ATP6V1C2: variants seen among roughly 807,000 people sequenced by gnomAD.
ATP6V1C2 encodes V-type proton ATPase subunit C 2.
A neutral mutation model predicts 56.8 loss-of-function variants in ATP6V1C2; 45 were observed. The observed-to-expected ratio is 0.79, with a 90% CI of 0.62 to 1.02. ATP6V1C2 has a LOEUF of 1.02. ATP6V1C2 is among the 50% of genes least tolerant of loss of function. The pLI is 0.00. For missense variants in ATP6V1C2, 463 were observed against 519.7 expected (o/e 0.89, Z 1.06); for synonymous variants, 220 against 201.3 (o/e 1.09, Z -0.79).
intron 10 of ATP6V1C2, among the ~76,000 whole-genome samples, chr2:10,776,988 C>T (rs560830954): frequency 2.0e-4 from 31 of 152,332 alleles, no homozygotes; most frequent in Non-Finnish European, 4.1e-4. Flanking sequence ...CATGACCAAA[C>T]GTCTTGCATC....
chr2:10,774,680 CT>C, intron 8 of ATP6V1C2, 107 bp from the exon 9 acceptor site: 1 of 895,958 alleles, frequency 1.1e-6, no homozygotes, highest in East Asian at 2.4e-5. Context: ...CAGCCCTCAG[CT>C]GCTGCCATGG....
intron 3 of ATP6V1C2, among the ~76,000 whole-genome samples, chr2:10,732,408 C>T (rs998039454): frequency 6.6e-6 from 1 of 152,044 alleles, no homozygotes; most frequent in Non-Finnish European, 1.5e-5. Flanking sequence ...CAGGCACCCA[C>T]CACCAAGCCC....
At chr2:10,722,140 TG>T (rs1383321884) in intron 1 of ATP6V1C2, among the ~76,000 whole-genome samples, 1 of 151,938 alleles carries the variant, frequency 6.6e-6, no homozygotes, top group Non-Finnish European at 1.5e-5. Context: ...AAGGTGCGGG[TG>T]TGGACACCTG....
intron 3 of ATP6V1C2, among the ~76,000 whole-genome samples, chr2:10,731,422 G>A (rs1180770943): frequency 1.3e-5 from 2 of 152,200 alleles, no homozygotes; most frequent in Non-Finnish European, 2.9e-5. Flanking sequence ...ATCCGGAAAT[G>A]TTGACTCCCT....
chr2:10,754,411 A>G (rs1234590093), intron 4 of ATP6V1C2, among the ~76,000 whole-genome samples: 1 of 151,656 alleles, frequency 6.6e-6, no homozygotes, highest in Non-Finnish European at 1.5e-5. Flanking sequence ...TTTTTAGTAG[A>G]GATGGAGTTT....
chr2:10,779,688 A>G (rs6711643), intron 12 of ATP6V1C2, among the ~76,000 whole-genome samples: 6,518 of 111,702 alleles, frequency 0.058, 262 homozygotes, highest in East Asian at 0.12. Flanking sequence ...CCGGCTATAG[A>G]AAAAAAAAAA....
intron 3 of ATP6V1C2, among the ~76,000 whole-genome samples, chr2:10,742,361 A>G (rs1662603401): frequency 6.6e-6 from 1 of 152,088 alleles, no homozygotes; most frequent in South Asian, 2.1e-4. Context: ...TCAGCGGGAG[A>G]GCTGGAGGTG....
Position 10,778,515 on chromosome 2 carries a change from G to A in ATP6V1C2, c.964-57G>A. 2.0e-6 allele frequency: 3 copies of A among 1,533,756 alleles called. No individual in the cohort carries two copies. The South Asian group carries it at 3.4e-5, about 17-fold the overall frequency. On this transcript the variant is annotated intron_variant, in intron 11 of 13. Transcript: ENST00000272238. ...TCTGTCAAAACCCAAGTCCTTTCTTGGCTCTGTGTCAGGCGGGGTGTTCAG... is the reference window on the plus strand; with the variant it reads ...TCTGTCAAAACCCAAGTCCTTTCTTAGCTCTGTGTCAGGCGGGGTGTTCAG...
intron 5 of ATP6V1C2, chr2:10,767,881 C>A (rs1260008873): frequency 6.6e-6 from 1 of 151,972 alleles, no homozygotes; most frequent in Non-Finnish European, 1.5e-5. Context: ...GTGATCATCG[C>A]CCCCATTCCC....
chr2:10,762,405 A>G (rs947368285), intron 4 of ATP6V1C2, among the ~76,000 whole-genome samples: 2 of 151,994 alleles, frequency 1.3e-5, no homozygotes, highest in African/African-American at 2.4e-5. Context: ...CAGCCTCCCA[A>G]AGTGCTGGGA....
At chr2:10,741,031 C>T (rs927106858) in intron 3 of ATP6V1C2, among the ~76,000 whole-genome samples, 1 of 152,206 alleles carries the variant, frequency 6.6e-6, no homozygotes, top group African/African-American at 2.4e-5. Context: ...GTCTGGACCG[C>T]ATGTGGGTGA....
chr2:10,781,369 T>C (rs1338064848), intron 12 of ATP6V1C2, among the ~76,000 whole-genome samples: 2 of 151,938 alleles, frequency 1.3e-5, no homozygotes, highest in Admixed American at 1.3e-4. Context: ...TCCCAGCTAC[T>C]TGGGAGGCTG....
intron 4 of ATP6V1C2, chr2:10,757,392 A>G (rs1383030912): frequency 7.6e-6 from 3 of 395,744 alleles, no homozygotes; most frequent in Non-Finnish European, 1.3e-5. Context: ...TTGTATGTCT[A>G]TATGGCTTAA....
intron 3 of ATP6V1C2, among the ~76,000 whole-genome samples, chr2:10,743,122 C>G (rs1662659013): frequency 6.6e-6 from 1 of 152,104 alleles, no homozygotes; most frequent in East Asian, 1.9e-4. Context: ...CCATGATTGA[C>G]TTTTTGTTTT....
intron 10 of ATP6V1C2, among the ~76,000 whole-genome samples, chr2:10,776,566 G>C (rs968156770): frequency 3.3e-5 from 5 of 152,186 alleles, no homozygotes; most frequent in African/African-American, 1.2e-4. Context: ...TGAAACCCTC[G>C]CTACCTGGGC....
At chr2:10,722,710 T>A in intron 1 of ATP6V1C2, 114 bp from the exon 2 acceptor site, 1 of 1,207,818 alleles carries the variant, frequency 8.3e-7, no homozygotes, top group Non-Finnish European at 1.2e-6. Flanking sequence ...ATGGATGTCC[T>A]TGGAGCTCAT....
At chr2:10,776,266 CGTGT>C (rs60750436) in intron 10 of ATP6V1C2, among the ~76,000 whole-genome samples, 39,854 of 151,012 alleles carry the variant, frequency 0.26, 5,863 homozygotes, top group East Asian at 0.39. Flanking sequence ...CGCTCACACA[CGTGT>C]GTGTGTGTGT....
intron 3 of ATP6V1C2, among the ~76,000 whole-genome samples, chr2:10,750,762 A>G (rs1663163966): frequency 6.6e-6 from 1 of 152,066 alleles, no homozygotes; most frequent in South Asian, 2.1e-4. Flanking sequence ...ATTATAGGGG[A>G]TGTGGTGATA....
Position 10,768,705 on chromosome 2 carries a change from C to G in ATP6V1C2, c.379-14C>G, listed in dbSNP as rs200597184. 1 of 1,613,274 alleles carries G rather than the reference C, an allele frequency of 6.2e-7. No homozygotes were observed. The highest frequency in any genetic ancestry group is 1.3e-5 in the African/African-American group (1 of 75,040). On this transcript the variant is annotated splice_polypyrimidine_tract_variant and intron_variant, in intron 5 of 13. Transcript: ENST00000272238. ...TGCTCAGGGTCACCTGGAGCTTTTG[C>G]TTTCCCAAAACAGCAACTGGCGCAG...
Sources: allele counts gnomAD v4.1 joint callset (sites outside exome capture counted in the v4.1 genomes callset), GRCh38; gene constraint gnomAD v4.1.1; transcripts MANE v1.5; gene names NCBI Gene and HGNC (gene_info 2026-07-23, HGNC 2026-07-21).